Variants in CYSTM1 observed in about 807,000 individuals in gnomAD.
The protein encoded by CYSTM1 is cysteine-rich transmembrane module-containing protein 1.
In CYSTM1, 4 loss-of-function variants were observed where a neutral mutation model predicts 13.1. The observed-to-expected ratio is 0.31, with a 90% CI of 0.15 to 0.70. The LOEUF (loss-of-function observed/expected upper bound fraction) is 0.70. Among genes scored for constraint, CYSTM1 ranks in the 30% least tolerant of loss-of-function variants. CYSTM1 has a pLI of 0.72. For missense variants in CYSTM1, 96 were observed against 121.6 expected, an observed-to-expected ratio of 0.79 and a Z score of 0.99; for synonymous variants, 36 against 42.7, an observed-to-expected ratio of 0.84 and a Z score of 0.62.
Position 140,179,909 on chromosome 5 carries a change from C to T in CYSTM1, c.-21+4624C>T, listed in dbSNP as rs189583073. 4.1e-3 allele frequency among the ~76,000 whole-genome samples: 631 copies of T among 152,146 alleles called. 3 individuals are homozygous for T. Among genetic ancestry groups the T allele is most frequent in the Middle Eastern group, 0.017 (5 of 294 alleles). On this transcript the variant is annotated intron_variant, in intron 1 of 2. Coordinates refer to ENST00000261811, the MANE Select transcript of CYSTM1 (RefSeq NM_032412.4). The stretch of plus-strand genomic sequence containing the variant: ...AACTCCTGACCTCAGGTGATCCACC[C>T]GCCTCAGCCTCCCAAAGTGCTGGGA...
At chr5:140,222,211 A>G (rs184569777) in intron 2 of CYSTM1, among the ~76,000 whole-genome samples, 1 of 152,384 alleles carries the variant, frequency 6.6e-6, no homozygotes, top group African/African-American at 2.4e-5. Context: ...GCTTTGTGCA[A>G]GCATGGTATT....
At chr5:140,182,922 C>G (rs1763975200) in intron 1 of CYSTM1, among the ~76,000 whole-genome samples, 1 of 152,276 alleles carries the variant, frequency 6.6e-6, no homozygotes, top group Admixed American at 6.5e-5. Context: ...AAGAGCCACC[C>G]CGCAGTGCTG....
intron 1 of CYSTM1, among the ~76,000 whole-genome samples, chr5:140,178,635 C>G (rs1028879455): frequency 9.2e-5 from 14 of 151,606 alleles, no homozygotes; most frequent in African/African-American, 3.4e-4. Flanking sequence ...GGTTCTGGCT[C>G]TGTTGCCTGG....
At chr5:140,180,846 C>T (rs930886942) in intron 1 of CYSTM1, among the ~76,000 whole-genome samples, 2 of 152,118 alleles carry the variant, frequency 1.3e-5, no homozygotes, top group Admixed American at 6.5e-5. Context: ...TATTGATGGT[C>T]ATGGTGGGAG....
intron 2 of CYSTM1, among the ~76,000 whole-genome samples, chr5:140,211,401 G>T (rs1327218041): frequency 6.6e-6 from 1 of 152,184 alleles, no homozygotes. Flanking sequence ...CTGATACTTG[G>T]CTGAGAGCAT....
intron 2 of CYSTM1, among the ~76,000 whole-genome samples, chr5:140,222,826 G>A (rs1764507084): frequency 6.6e-6 from 1 of 152,186 alleles, no homozygotes; most frequent in South Asian, 2.1e-4. Flanking sequence ...TAGGGAATAT[G>A]GGAACACTGA....
At chr5:140,201,570 C>T (rs936990732) in intron 2 of CYSTM1, 2 of 152,232 alleles carry the variant, frequency 1.3e-5, no homozygotes, top group African/African-American at 4.8e-5. Flanking sequence ...GAATTTACCA[C>T]TCCTATTTGC....
At position 140,243,355 on chromosome 5, in the gene CYSTM1, C is replaced by G; in HGVS notation, c.238C>G (p.Leu80Val). Reference sequence around the variant, plus strand: ...AGATGAGCTAGGACCATCCACCTGCCTCACAGCCTGCTGGACGGCTCTCTG... The same window carrying G: ...AGATGAGCTAGGACCATCCACCTGCGTCACAGCCTGCTGGACGGCTCTCTG... ...RRDELGPSTCLTACWTALCCC... is the reference protein window; with the variant it reads ...RRDELGPSTCVTACWTALCCC... The change falls in exon 3 of 3, where the codon CTC becomes GTC. Residue 80 changes from leucine to valine, a missense_variant. Leu to Val is a conservative substitution (Grantham distance 32). Transcript: ENST00000261811. 6.2e-7 allele frequency: 1 copy of G among 1,614,164 alleles called. No individual in the cohort carries two copies. Among genetic ancestry groups the G allele is most frequent in the Non-Finnish European group, 8.5e-7 (1 of 1,180,024 alleles).
At chr5:140,233,783 G>A (rs1212209949) in intron 2 of CYSTM1, among the ~76,000 whole-genome samples, 1 of 152,180 alleles carries the variant, frequency 6.6e-6, no homozygotes, top group East Asian at 1.9e-4. Flanking sequence ...TTGGTGAAGT[G>A]TTTTTTCAAG....
chr5:140,183,408 C>T (rs958676106), intron 1 of CYSTM1, among the ~76,000 whole-genome samples: 1 of 152,198 alleles, frequency 6.6e-6, no homozygotes, highest in African/African-American at 2.4e-5. Flanking sequence ...CATTTTCTCT[C>T]CATTCTCACT....
At chr5:140,180,678 A>G (rs1354038932) in intron 1 of CYSTM1, among the ~76,000 whole-genome samples, 1 of 152,214 alleles carries the variant, frequency 6.6e-6, no homozygotes, top group African/African-American at 2.4e-5. Context: ...CCTCCAAGTC[A>G]GATCTTGGAA....
At chr5:140,214,486 T>C (rs1295865056) in intron 2 of CYSTM1, among the ~76,000 whole-genome samples, 9 of 152,204 alleles carry the variant, frequency 5.9e-5, no homozygotes, top group Admixed American at 5.9e-4. Context: ...GCAGGCTGGG[T>C]TGGCCAGACC....
rs1764602071 is a variant in CYSTM1, at chr5:140,230,016, A to AGTT, written c.188-13289_188-13288insGTT. 6.6e-6 allele frequency among the ~76,000 whole-genome samples: 1 copy of AGTT among 152,186 alleles called. No homozygotes were observed. The highest frequency in any genetic ancestry group is 1.5e-5 in the Non-Finnish European group (1 of 68,038). ...CTCCCAAGTAGCTGGAACTACAGGC[A>AGTT]TGCACCACCATGCCCAGCTAATTTT... On this transcript the variant is annotated intron_variant, in intron 2 of 2. Transcript: ENST00000261811. The surrounding 1 kb of genome is among the most constrained non-coding windows in gnomAD (Gnocchi z 4.1).
intron 2 of CYSTM1, 81 bp downstream of exon 2, chr5:140,194,733 A>T: frequency 6.7e-7 from 1 of 1,492,882 alleles, no homozygotes; most frequent in Non-Finnish European, 9.0e-7. Context: ...CAGAGAAGAA[A>T]TTCTTTCCAG....
intron 2 of CYSTM1, among the ~76,000 whole-genome samples, chr5:140,242,816 C>T (rs776330014): frequency 1.3e-5 from 2 of 152,200 alleles, no homozygotes; most frequent in Admixed American, 1.3e-4. Context: ...GTTGGGGGCA[C>T]ATTCTGAAAT....
intron 1 of CYSTM1, among the ~76,000 whole-genome samples, chr5:140,179,509 A>C (rs1170235115): frequency 6.6e-6 from 1 of 151,620 alleles, no homozygotes; most frequent in Admixed American, 6.6e-5. Flanking sequence ...GCAATGAGCC[A>C]AGATTGTGCC....
chr5:140,182,629 C>CTT (rs773337350), intron 1 of CYSTM1, among the ~76,000 whole-genome samples: 5 of 138,824 alleles, frequency 3.6e-5, no homozygotes, highest in Admixed American at 1.4e-4. Context: ...AGGAGGGATG[C>CTT]TTTTTTTTTT....
intron 1 of CYSTM1, among the ~76,000 whole-genome samples, chr5:140,186,260 C>A (rs1651230647): frequency 6.6e-6 from 1 of 152,064 alleles, no homozygotes; most frequent in South Asian, 2.1e-4. Context: ...TACATGAATC[C>A]TTTTAAAAGA....
chr5:140,196,726 G>A (rs1376144986), intron 2 of CYSTM1, among the ~76,000 whole-genome samples: 1 of 152,184 alleles, frequency 6.6e-6, no homozygotes, highest in Admixed American at 6.5e-5. Flanking sequence ...TCAAAATAAG[G>A]TAACCCTGTG....
Sources: gnomAD v4.1 joint callset for allele counts (sites outside exome capture counted in the v4.1 genomes callset) on GRCh38, gnomAD v4.1.1 for gene constraint, Gnocchi (gnomAD v3.1) non-coding constraint, MANE v1.5 for transcripts, NCBI Gene and HGNC (gene_info 2026-07-23, HGNC 2026-07-21) for gene names.